Variants in USP34 observed in about 807,000 individuals in gnomAD.
The protein encoded by USP34 is ubiquitin carboxyl-terminal hydrolase 34.
In USP34, 70 loss-of-function variants were observed where a neutral mutation model predicts 460.3. The observed-to-expected ratio is 0.15, with a 90% CI of 0.13 to 0.19. USP34 has a LOEUF of 0.19. Among genes scored for constraint, USP34 ranks in the 10% least tolerant of loss-of-function variants. The pLI is 1.00. For missense variants in USP34, 3,985 were observed against 4,236.2 expected (o/e 0.94, Z 1.65); for synonymous variants, 1,647 against 1,405.3 (o/e 1.17, Z -3.85).
intron 1 of USP34, among the ~76,000 whole-genome samples, chr2:61,451,118 C>T (rs766192504): frequency 4.9e-5 from 7 of 142,096 alleles, no homozygotes; most frequent in Admixed American, 7.5e-5. Flanking sequence ...CTACTCGGGA[C>T]GCTGAGACAG....
At chr2:61,243,063 C>A (rs889469260) in intron 51 of USP34, among the ~76,000 whole-genome samples, 3 of 151,902 alleles carry the variant, frequency 2.0e-5, no homozygotes, top group African/African-American at 7.3e-5. Context: ...CCAGGATGGT[C>A]TCGAACTCCT....
chr2:61,210,237 G>A (rs1687236678), intron 69 of USP34, among the ~76,000 whole-genome samples: 2 of 152,118 alleles, frequency 1.3e-5, no homozygotes, highest in Admixed American at 6.5e-5. Flanking sequence ...CTTACCTAGG[G>A]CAATTTCCAG....
At chr2:61,465,381 C>A (rs988444153) in intron 1 of USP34, among the ~76,000 whole-genome samples, 4 of 152,174 alleles carry the variant, frequency 2.6e-5, no homozygotes, top group African/African-American at 9.7e-5. Context: ...AATACTCTCA[C>A]CAAAAACTGA....
At chr2:61,217,952 C>A (rs1412960055) in intron 67 of USP34, among the ~76,000 whole-genome samples, 1 of 151,864 alleles carries the variant, frequency 6.6e-6, no homozygotes, top group Non-Finnish European at 1.5e-5. Context: ...AAGACTCCAT[C>A]TCGAAAGAAA....
chr2:61,389,007 T>TA (rs966044720), intron 5 of USP34, among the ~76,000 whole-genome samples: 2 of 151,850 alleles, frequency 1.3e-5, no homozygotes, highest in African/African-American at 4.8e-5. Flanking sequence ...TTTCGGCATT[T>TA]AAAAAAAACA....
At chr2:61,356,016 G>A (rs1487880984) in intron 10 of USP34, among the ~76,000 whole-genome samples, 1 of 152,008 alleles carries the variant, frequency 6.6e-6, no homozygotes, top group Non-Finnish European at 1.5e-5. Flanking sequence ...AAAAACAAAT[G>A]GAATTACCAT....
chr2:61,194,098 C>T (rs1334100688), intron 75 of USP34: 2 of 985,238 alleles, frequency 2.0e-6, no homozygotes, highest in Non-Finnish European at 2.4e-6. Flanking sequence ...TTTGCCAAAC[C>T]GTGGGTTAGA....
rs1282016277 is a variant in USP34, at chr2:61,353,392, A to ATT, written c.1252-2700_1252-2699insAA. Among the ~76,000 whole-genome samples, 11 of 143,868 alleles carry ATT rather than the reference A, an allele frequency of 7.6e-5. 1 individual carries two copies. Among genetic ancestry groups the ATT allele is most frequent in the Admixed American group, 1.4e-4 (2 of 14,362 alleles). The allele number at this position is 143,868 out of a possible 152,430, so 94.4% of individuals were successfully genotyped here. ...TCCACCTGTTGCACTTCCTAGACGA[A>ATT]TGTTTTTTTTTTTTTTTTTGAGACA... On this transcript the variant is annotated intron_variant, in intron 10 of 79. Transcript: ENST00000398571.
chr2:61,390,371 T>C (rs760469696), intron 5 of USP34, among the ~76,000 whole-genome samples: 11 of 152,220 alleles, frequency 7.2e-5, no homozygotes, highest in Non-Finnish European at 1.3e-4. Context: ...TGGGTCTCAG[T>C]GGAGAAACTT....
At chr2:61,322,602 C>G (rs1690960045) in intron 21 of USP34, among the ~76,000 whole-genome samples, 2 of 152,080 alleles carry the variant, frequency 1.3e-5, no homozygotes, top group Admixed American at 1.3e-4. Flanking sequence ...ATGGTACCAT[C>G]AAAAGAAATT....
At chr2:61,313,616 A>T (rs1216340101) in intron 25 of USP34, among the ~76,000 whole-genome samples, 1 of 152,066 alleles carries the variant, frequency 6.6e-6, no homozygotes, top group Non-Finnish European at 1.5e-5. Context: ...TTAAAATTTT[A>T]TTTTTTTAAG....
chr2:61,294,429 G>C (rs933136053), intron 32 of USP34, among the ~76,000 whole-genome samples: 1 of 151,972 alleles, frequency 6.6e-6, no homozygotes, highest in African/African-American at 2.4e-5. Flanking sequence ...CTAGACACTG[G>C]GATGTCCTCA....
rs1334229927 is a variant in USP34 at position 61,348,037 on chromosome 2, T to A, written c.2118A>T (p.Ser706=). The change falls in exon 15 of 80, where the codon TCA becomes TCT. Residue 706 remains serine (S), a synonymous_variant. Coordinates refer to ENST00000398571, the MANE Select transcript of USP34 (RefSeq NM_014709.4). ...CTATATGAGTAGCATTCATTTCCCC[T>A]GAAATATCATGTTCTGGGTCTTCAG... ...SHSEDPEHDI[S]GEMNATHIAQ... The A allele has an allele frequency of 6.2e-7, 1 of 1,614,176 alleles. No individual in the cohort carries two copies. The highest frequency in any genetic ancestry group is 8.5e-7 in the Non-Finnish European group (1 of 1,180,026).
chr2:61,408,715 G>T (rs778983826), intron 2 of USP34, among the ~76,000 whole-genome samples: 32 of 151,896 alleles, frequency 2.1e-4, no homozygotes, highest in Non-Finnish European at 3.1e-4. Context: ...GGCCAACATG[G>T]TGAAACCTCT....
intron 1 of USP34, among the ~76,000 whole-genome samples, chr2:61,468,145 T>C (rs1044638302): frequency 6.6e-6 from 1 of 152,136 alleles, no homozygotes; most frequent in African/African-American, 2.4e-5. Context: ...AAAAAACAAC[T>C]TTTAATAGTG....
In USP34 at chr2:61,317,728, A is replaced by T. The variant is rs973609506; in HGVS notation, c.3208T>A (p.Leu1070Ile). The stretch of plus-strand genomic sequence containing the variant: ...TTACAGAGATGCTGAAACAGGTTTA[A>T]GCCAGTCATGCTAATTGTTTCAGGT... ...LKPETISMTGLNLFQHLCNLA... is the reference protein window; with the variant it reads ...LKPETISMTGINLFQHLCNLA... The change falls in exon 23 of 80, where the codon TTA becomes ATA. Residue 1070 changes from leucine (L) to isoleucine (I), a missense_variant. By Grantham distance (5) the Leu-to-Ile change is conservative. Coordinates refer to ENST00000398571, the MANE Select transcript of USP34 (RefSeq NM_014709.4). 1 of 1,614,162 alleles carries T rather than the reference A, an allele frequency of 6.2e-7. No homozygotes were observed. Among genetic ancestry groups the T allele is most frequent in the Non-Finnish European group, 8.5e-7 (1 of 1,180,016 alleles).
intron 72 of USP34, among the ~76,000 whole-genome samples, chr2:61,204,985 G>A (rs555919818): frequency 6.6e-6 from 1 of 152,156 alleles, no homozygotes; most frequent in East Asian, 1.9e-4. Flanking sequence ...CTCCCAAGTA[G>A]CTGAAACTAC....
intron 1 of USP34, among the ~76,000 whole-genome samples, chr2:61,460,817 T>C (rs1478403265): frequency 6.6e-6 from 1 of 151,874 alleles, no homozygotes; most frequent in Non-Finnish European, 1.5e-5. Context: ...ACTCTGTCTC[T>C]ACTAAAAACA....
At position 61,194,013 on chromosome 2, in the gene USP34, T is replaced by A. The variant is rs958917300; in HGVS notation, c.9509-1033A>T. 3.7e-5 allele frequency: 24 copies of A among 643,816 alleles called. No individual in the cohort carries two copies. The South Asian group carries it at 4.9e-4, about 13-fold the overall frequency. The allele number at this position is 643,816 out of a possible 1,614,324, so 39.9% of individuals were successfully genotyped here. On this transcript the variant is annotated intron_variant, in intron 75 of 79. Coordinates refer to ENST00000398571, the MANE Select transcript of USP34 (RefSeq NM_014709.4). ...GAAAATATTCTATATTAAAAAAAAA[T>A]TTAAAAATATGAAAACTATTCTTAG...
Sources: allele counts gnomAD v4.1 joint callset (sites outside exome capture counted in the v4.1 genomes callset), GRCh38; gene constraint gnomAD v4.1.1; transcripts MANE v1.5; gene names NCBI Gene and HGNC (gene_info 2026-07-23, HGNC 2026-07-21).